THUMPD2: variants seen among roughly 807,000 people sequenced by gnomAD.
THUMPD2 encodes U6 snRNA (guanine-N(2))-methyltransferase THUMPD2.
In THUMPD2, 56 loss-of-function variants were observed where a neutral mutation model predicts 49.4. The observed-to-expected ratio is 1.13, with a 90% CI of 0.91 to 1.41. The LOEUF (loss-of-function observed/expected upper bound fraction) is 1.41. THUMPD2 is among the 40% of genes most tolerant of loss of function. The pLI is 0.00. For missense variants in THUMPD2, 709 were observed against 594.5 expected (o/e 1.19, Z -2.00); for synonymous variants, 237 against 205.2 (o/e 1.15, Z -1.32).
intron 3 of THUMPD2, 152 bp from the exon 4 acceptor site, chr2:39,768,653 A>G (rs1476358103): frequency 1.4e-6 from 1 of 738,854 alleles, no homozygotes; most frequent in Non-Finnish European, 2.2e-6. Flanking sequence ...ACATGAAAGC[A>G]TTTCCTATTC....
At chr2:39,747,856 T>G (rs1476342219) in intron 8 of THUMPD2, among the ~76,000 whole-genome samples, 1 of 152,206 alleles carries the variant, frequency 6.6e-6, no homozygotes, top group Non-Finnish European at 1.5e-5. Context: ...ATTCTTTTAA[T>G]TGTTTTACCA....
chr2:39,779,214 C>T lies in THUMPD2; in HGVS notation c.26G>A (p.Gly9Glu). The T allele has an allele frequency of 6.7e-7, 1 of 1,503,256 alleles. No homozygotes were observed. Among genetic ancestry groups the T allele is most frequent in the Non-Finnish European group, 8.8e-7 (1 of 1,132,118 alleles). 93.1% of individuals were successfully genotyped at this position (1,503,256 alleles called of 1,614,324 possible). The change falls in exon 1 of 10, where the codon GGG becomes GAG. Residue 9 changes from glycine to glutamate, a missense_variant. Transcript: ENST00000505747. The stretch of plus-strand genomic sequence containing the variant: ...TCGGGCGCCAGCCTCAGGCCCGGAC[C>T]CTGGCTCTCCACGCGCCTCCGACAT... MSEARGEP[G>E]SGPEAGARFF...
chr2:39,738,085 G>C (rs1415425762), intron 9 of THUMPD2, among the ~76,000 whole-genome samples: 1 of 152,172 alleles, frequency 6.6e-6, no homozygotes. Flanking sequence ...ATGGTGGATG[G>C]GATCACCTGG....
intron 9 of THUMPD2, among the ~76,000 whole-genome samples, chr2:39,742,332 G>A (rs1673998329): frequency 6.6e-6 from 1 of 152,142 alleles, no homozygotes; most frequent in Non-Finnish European, 1.5e-5. Flanking sequence ...TTTGCAGGAA[G>A]TCAGGAATAT....
At chr2:39,769,087 A>G (rs1021507251) in intron 3 of THUMPD2, 2 of 1,304,070 alleles carry the variant, frequency 1.5e-6, no homozygotes, top group African/African-American at 3.0e-5. Flanking sequence ...AATCCCATGT[A>G]CAGGACCTGT....
chr2:39,771,338 T>A (rs1678284072), intron 2 of THUMPD2, among the ~76,000 whole-genome samples, 167 bp downstream of exon 2: 1 of 152,126 alleles, frequency 6.6e-6, no homozygotes, highest in Non-Finnish European at 1.5e-5. Context: ...AATATTCTAC[T>A]ACAATCAGGT....
chr2:39,761,395 T>A lies in THUMPD2; in HGVS notation c.827A>T (p.Tyr276Phe). 1.2e-6 allele frequency: 2 copies of A among 1,613,830 alleles called. No individual in the cohort carries two copies. Residue 276 changes from tyrosine (Y) to phenylalanine (F), a missense_variant, in exon 6 of 10, where the codon TAC becomes TTC. Tyr to Phe is a conservative substitution (Grantham distance 22). Transcript: ENST00000505747. ...VFRVSLASRA[Y>F]IKTAGLRSTI... ...AGATCGCAGTCCAGCTGTCTTGATG[T>A]AAGCTCTGCTGGCTAGGGAAACCCT...
intron 1 of THUMPD2, among the ~76,000 whole-genome samples, chr2:39,776,366 A>G (rs1447736251): frequency 6.6e-6 from 1 of 151,712 alleles, no homozygotes; most frequent in Non-Finnish European, 1.5e-5. Context: ...GGAACATGTT[A>G]AACTACACCA....
At chr2:39,748,996 AC>A (rs1248509967) in intron 8 of THUMPD2, among the ~76,000 whole-genome samples, 4 of 152,014 alleles carry the variant, frequency 2.6e-5, no homozygotes, top group African/African-American at 7.2e-5. Context: ...AAAAAAAAAA[AC>A]AAAACAAAAT....
At chr2:39,761,196 AAAAAG>A (rs1294035496) in intron 6 of THUMPD2, 130 bp downstream of exon 6, 7 of 733,414 alleles carry the variant, frequency 9.5e-6, no homozygotes, top group Admixed American at 2.6e-5. Context: ...GTACAATGGC[AAAAAG>A]AAAAGAAGTT....
chr2:39,759,944 G>A (rs948546479), intron 6 of THUMPD2, among the ~76,000 whole-genome samples: 3 of 152,160 alleles, frequency 2.0e-5, no homozygotes, highest in Non-Finnish European at 1.5e-5. Flanking sequence ...CAGAGCAGAG[G>A]CCTCAAACAG....
intron 6 of THUMPD2, among the ~76,000 whole-genome samples, chr2:39,760,416 A>G (rs542543933): frequency 6.6e-6 from 1 of 152,322 alleles, no homozygotes; most frequent in African/African-American, 2.4e-5. Context: ...AGAACAATGA[A>G]GTAAAATCTC....
At chr2:39,738,864 G>A (rs2148153769) in intron 9 of THUMPD2, among the ~76,000 whole-genome samples, 1 of 152,020 alleles carries the variant, frequency 6.6e-6, no homozygotes, top group Non-Finnish European at 1.5e-5. Flanking sequence ...GTCAAGTGTA[G>A]GCCATTATTT....
Position 39,744,425 on chromosome 2 carries a change from C to G in THUMPD2, c.1132G>C (p.Gly378Arg), listed in dbSNP as rs1674306972. Reference sequence around the variant, plus strand: ...TCTTTTCCTAACTTAAACTTTTTCCCAAATGGAATGTCAGAAATAATAATA... The same window carrying G: ...TCTTTTCCTAACTTAAACTTTTTCCGAAATGGAATGTCAGAAATAATAATA... Reference protein sequence around the residue: ...VDIIISDIPFGKKFKLGKDIK... With the variant: ...VDIIISDIPFRKKFKLGKDIK... The change falls in exon 9 of 10, where the codon GGG becomes CGG. Residue 378 changes from glycine (G) to arginine (R), a missense_variant. Gly to Arg is a moderately radical substitution (Grantham distance 125). Coordinates refer to ENST00000505747, the MANE Select transcript of THUMPD2 (RefSeq NM_025264.5). The G allele has an allele frequency of 6.3e-7, 1 of 1,589,186 alleles. No homozygotes were observed. The highest frequency in any genetic ancestry group is 1.4e-5 in the African/African-American group (1 of 73,162).
rs1438340125 is a variant in THUMPD2 at position 39,747,561 on chromosome 2, TTTGAAATA to T, written c.1079-3091_1079-3084del. On this transcript the variant is annotated intron_variant, in intron 8 of 9. Coordinates refer to ENST00000505747, the MANE Select transcript of THUMPD2 (RefSeq NM_025264.5). ...TTTATTTTATATGAAAATTATATGC[TTTGAAATA>T]TTTGAAATATTTATTATCCAATAAA... 1.0e-3 allele frequency among the ~76,000 whole-genome samples: 153 copies of T among 152,308 alleles called. 1 individual carries two copies. Among genetic ancestry groups the T allele is most frequent in the African/African-American group, 3.4e-3 (142 of 41,576 alleles).
intron 4 of THUMPD2, 137 bp from the exon 5 acceptor site, chr2:39,766,246 G>A: frequency 2.0e-6 from 1 of 509,738 alleles, no homozygotes; most frequent in Non-Finnish European, 3.4e-6. Context: ...ATCATATCTA[G>A]AAAAATGTTC....
chr2:39,778,227 T>A (rs1169281634), intron 1 of THUMPD2, among the ~76,000 whole-genome samples: 1 of 152,222 alleles, frequency 6.6e-6, no homozygotes, highest in African/African-American at 2.4e-5. Flanking sequence ...TCAATAAATG[T>A]CAGTAGTTAT....
chr2:39,774,282 T>C (rs1244948270), intron 1 of THUMPD2, among the ~76,000 whole-genome samples: 2 of 152,242 alleles, frequency 1.3e-5, no homozygotes, highest in Non-Finnish European at 2.9e-5. Context: ...TAAATGTATG[T>C]ATAGATTACA....
intron 4 of THUMPD2, among the ~76,000 whole-genome samples, chr2:39,767,296 G>A (rs1455088961): frequency 6.6e-6 from 1 of 152,192 alleles, no homozygotes; most frequent in Non-Finnish European, 1.5e-5. Context: ...GAAAGCCAGA[G>A]AGAAGATGAT....
Sources: allele counts gnomAD v4.1 joint callset (sites outside exome capture counted in the v4.1 genomes callset), GRCh38; gene constraint gnomAD v4.1.1; transcripts MANE v1.5; gene names NCBI Gene and HGNC (gene_info 2026-07-23, HGNC 2026-07-21).